STARD13: variants seen among roughly 807,000 people sequenced by gnomAD.
STARD13 encodes the protein stAR-related lipid transfer protein 13.
Under a neutral mutation model 106.4 loss-of-function variants are expected in STARD13, and 62 were observed. The ratio of observed to expected loss-of-function variants is 0.58; its 90% CI spans 0.48 to 0.72. The LOEUF (loss-of-function observed/expected upper bound fraction) is 0.72. Ranked by LOEUF, STARD13 falls within the 30% of genes least tolerant of loss-of-function variation. STARD13 has a pLI of 0.00. For synonymous variants in STARD13, 565 were observed against 553.0 expected (o/e 1.02, Z -0.31); for missense variants, 1,387 against 1,424.0 (o/e 0.97, Z 0.42).
chr13:33,335,490 G>A (rs540303062), intron 1 of STARD13, among the ~76,000 whole-genome samples: 2 of 152,294 alleles, frequency 1.3e-5, no homozygotes, highest in Non-Finnish European at 2.9e-5. Flanking sequence ...CAGTCACTGG[G>A]GTCTCATAAG....
chr13:33,466,925 T>C, the STARD13 span, among the ~76,000 whole-genome samples: 1 of 152,136 alleles, frequency 6.6e-6, no homozygotes, highest in Non-Finnish European at 1.5e-5. Flanking sequence ...AAACACATAC[T>C]TGGCATTCTT....
the STARD13 span, among the ~76,000 whole-genome samples, chr13:33,382,802 C>T: frequency 6.6e-6 from 1 of 152,296 alleles, no homozygotes; most frequent in East Asian, 1.9e-4. Flanking sequence ...TGCTCTTCCA[C>T]CGATAAGCAT....
intron 7 of STARD13, among the ~76,000 whole-genome samples, chr13:33,124,970 G>A (rs1876942466): frequency 6.6e-6 from 1 of 152,178 alleles, no homozygotes; most frequent in Non-Finnish European, 1.5e-5. Flanking sequence ...AAAATGTTAT[G>A]TGCAGATTCT....
chr13:33,150,938 G>C (rs1366613982), intron 3 of STARD13, among the ~76,000 whole-genome samples: 4 of 152,140 alleles, frequency 2.6e-5, no homozygotes, highest in Non-Finnish European at 5.9e-5. Flanking sequence ...TAGGTGCTGG[G>C]AATACAGTAT....
chr13:33,227,692 T>A (rs1244598335), intron 1 of STARD13, among the ~76,000 whole-genome samples: 1 of 151,580 alleles, frequency 6.6e-6, no homozygotes, highest in Non-Finnish European at 1.5e-5. Context: ...ATGGAGGGGG[T>A]ACAACAGGGA....
the STARD13 span, among the ~76,000 whole-genome samples, chr13:33,490,758 C>T: frequency 6.6e-6 from 1 of 152,228 alleles, no homozygotes; most frequent in African/African-American, 2.4e-5. Context: ...ATACAGGAAG[C>T]TGTCACACTG....
At chr13:33,663,161 T>C in the STARD13 span, among the ~76,000 whole-genome samples, 21 of 152,284 alleles carry the variant, frequency 1.4e-4, no homozygotes, top group East Asian at 3.7e-3. Flanking sequence ...ACATGGCTCA[T>C]TGCAGCCTCA....
chr13:33,211,788 G>A (rs149405833), intron 1 of STARD13, among the ~76,000 whole-genome samples: 114 of 150,986 alleles, frequency 7.6e-4, no homozygotes, highest in African/African-American at 2.7e-3. Flanking sequence ...GGAATCCATG[G>A]ACAGAGAGAG....
the STARD13 span, among the ~76,000 whole-genome samples, chr13:33,403,603 A>C: frequency 6.6e-6 from 1 of 152,226 alleles, no homozygotes; most frequent in Non-Finnish European, 1.5e-5. Context: ...AATACTTTGT[A>C]ATAAATTTTG....
chr13:33,161,192 TATG>T (rs1170864095), intron 3 of STARD13, among the ~76,000 whole-genome samples: 8 of 152,254 alleles, frequency 5.3e-5, no homozygotes, highest in Non-Finnish European at 7.3e-5. Context: ...ATTTCATTTG[TATG>T]ATATTTTAGC....
the STARD13 span, among the ~76,000 whole-genome samples, chr13:33,417,479 A>T: frequency 6.6e-6 from 1 of 152,244 alleles, no homozygotes; most frequent in Non-Finnish European, 1.5e-5. Flanking sequence ...GAATGTTCAT[A>T]GCGGCATTAT....
the STARD13 span, among the ~76,000 whole-genome samples, chr13:33,537,848 C>T: frequency 5.9e-5 from 9 of 152,238 alleles, no homozygotes; most frequent in South Asian, 6.2e-4. Flanking sequence ...ACAGAACTAC[C>T]CTGATCTCTC....
intron 3 of STARD13, among the ~76,000 whole-genome samples, chr13:33,163,458 C>G (rs1882876284): frequency 6.6e-6 from 1 of 151,048 alleles, no homozygotes; most frequent in South Asian, 2.1e-4. Flanking sequence ...GGTGTGGTGG[C>G]ATATGCCTGT....
intron 1 of STARD13, among the ~76,000 whole-genome samples, chr13:33,316,695 T>A (rs1382100123): frequency 6.6e-6 from 1 of 152,198 alleles, no homozygotes; most frequent in Non-Finnish European, 1.5e-5. Context: ...TCCAATTATA[T>A]GCTTTAATAA....
At chr13:33,112,343 G>C (rs1291085261) in intron 9 of STARD13, among the ~76,000 whole-genome samples, 2 of 152,152 alleles carry the variant, frequency 1.3e-5, no homozygotes, top group Non-Finnish European at 2.9e-5. Flanking sequence ...GTGAATTAGG[G>C]TGTCTCACAA....
At chr13:33,350,245 C>T (rs914232357) in intron 1 of STARD13, 75 of 1,500,432 alleles carry the variant, frequency 5.0e-5, no homozygotes, top group Non-Finnish European at 6.2e-5. Context: ...ACGGGGCCGG[C>T]GCCTCCCCCG....
intron 1 of STARD13, among the ~76,000 whole-genome samples, chr13:33,299,598 C>G (rs904598730): frequency 5.3e-5 from 8 of 152,142 alleles, no homozygotes; most frequent in Non-Finnish European, 8.8e-5. Context: ...CCTGGGAGGT[C>G]CCTTGAGGTC....
chr13:33,338,099 T>C (rs1392071895), intron 1 of STARD13, among the ~76,000 whole-genome samples: 1 of 152,210 alleles, frequency 6.6e-6, no homozygotes, highest in African/African-American at 2.4e-5. Context: ...TAGCAGAAGG[T>C]ACCAGTTATA....
At chr13:33,230,477 A>G (rs1237767650) in intron 1 of STARD13, among the ~76,000 whole-genome samples, 1 of 152,198 alleles carries the variant, frequency 6.6e-6, no homozygotes, top group Non-Finnish European at 1.5e-5. Context: ...TTTCAGAAAA[A>G]TCTTCATTTT....
Sources: gnomAD v4.1 joint callset for allele counts (sites outside exome capture counted in the v4.1 genomes callset) on GRCh38, gnomAD v4.1.1 for gene constraint, MANE v1.5 for transcripts, NCBI Gene and HGNC (gene_info 2026-07-23, HGNC 2026-07-21) for gene names.